The following NPNT variants were observed in gnomAD, a reference collection of about 807,000 sequenced individuals.
The protein encoded by NPNT is preosteoblast EGF-like repeat protein with MAM domain.
Under a neutral mutation model 68.6 loss-of-function variants are expected in NPNT, and 45 were observed. The ratio of observed to expected loss-of-function variants is 0.66; its 90% CI spans 0.52 to 0.84. The LOEUF is 0.84. Ranked by LOEUF, NPNT falls within the 40% of genes least tolerant of loss-of-function variation. The pLI is 0.00. For missense variants in NPNT, 672 were observed against 714.8 expected (o/e 0.94, Z 0.68); for synonymous variants, 233 against 253.3 (o/e 0.92, Z 0.76).
At chr4:105,962,426 A>C (rs1256604849) in intron 10 of NPNT, among the ~76,000 whole-genome samples, 1 of 152,152 alleles carries the variant, frequency 6.6e-6, no homozygotes, top group African/African-American at 2.4e-5. Flanking sequence ...TGATGGGTAA[A>C]AAATACAGGG....
At chr4:105,938,537 C>T (rs189726795) in intron 5 of NPNT, 117 bp downstream of exon 5, 12 of 1,003,754 alleles carry the variant, frequency 1.2e-5, no homozygotes, top group South Asian at 6.4e-5. Flanking sequence ...AATTAGCTAT[C>T]GTTCAGAAGA....
chr4:105,949,640 T>G (rs571672332), intron 8 of NPNT, among the ~76,000 whole-genome samples: 1 of 152,316 alleles, frequency 6.6e-6, no homozygotes, highest in South Asian at 2.1e-4. Flanking sequence ...AAAAACTTTC[T>G]GCAGAACCCA....
In NPNT at chr4:105,966,626, C is replaced by CT. The variant is rs530106622; in HGVS notation, c.1346-561dup. ...TAGATTTACACCAGTGTGAGAAGCT[C>CT]TGCCAACTCTGATTTTTTTTTTAAA... On this transcript the variant is annotated intron_variant, in intron 10 of 11. Coordinates refer to ENST00000379987, the MANE Select transcript of NPNT (RefSeq NM_001033047.3). Among the ~76,000 whole-genome samples, 517 of 151,948 alleles carry CT rather than the reference C, an allele frequency of 3.4e-3. 1 individual carries two copies. The highest frequency in any genetic ancestry group is 0.012 in the African/African-American group (488 of 41,436).
chr4:105,960,980 A>G (rs1285411236), intron 10 of NPNT, among the ~76,000 whole-genome samples: 5 of 152,194 alleles, frequency 3.3e-5, no homozygotes, highest in African/African-American at 2.4e-5. Context: ...CTTATAGGTG[A>G]AAAGGAATCT....
At chr4:105,949,588 G>T (rs1192588228) in intron 8 of NPNT, among the ~76,000 whole-genome samples, 1 of 152,134 alleles carries the variant, frequency 6.6e-6, no homozygotes, top group Non-Finnish European at 1.5e-5. Context: ...CAAAACTCTG[G>T]TGTCACAGGG....
At position 105,970,707 on chromosome 4, in the gene NPNT, T is replaced by C. The variant is rs1732504542; in HGVS notation, c.*1717T>C. 1.5e-5 allele frequency: 7 copies of C among 456,534 alleles called. No homozygotes were observed. Among genetic ancestry groups the C allele is most frequent in the South Asian group, 1.4e-4 (7 of 48,982 alleles). 28.3% of individuals were successfully genotyped at this position (456,534 alleles called of 1,614,324 possible). A position where few individuals can be genotyped will look rare whatever the true frequency, so the allele number is the denominator to read the frequency against. On this transcript the variant is annotated 3_prime_UTR_variant, in exon 12 of 12. Transcript: ENST00000379987. ...AAAAAATTAGATAAAAATTTGTCTATTTAAGATGGTTAAAGATGTTCTTAC... is the reference window on the plus strand; with the variant it reads ...AAAAAATTAGATAAAAATTTGTCTACTTAAGATGGTTAAAGATGTTCTTAC...
At chr4:105,957,463 T>C (rs952329365) in intron 8 of NPNT, among the ~76,000 whole-genome samples, 5 of 152,192 alleles carry the variant, frequency 3.3e-5, no homozygotes, top group African/African-American at 1.2e-4. Context: ...ATTCTTATGC[T>C]TTGTCCCACT....
At chr4:105,940,020 C>T in intron 5 of NPNT, 55 bp from the exon 6 acceptor site, 3 of 1,513,814 alleles carry the variant, frequency 2.0e-6, no homozygotes, top group Non-Finnish European at 2.7e-6. Flanking sequence ...TTGAAACCCA[C>T]TCTGTCTTAA....
intron 8 of NPNT, among the ~76,000 whole-genome samples, chr4:105,953,941 T>C (rs1038597273): frequency 6.6e-6 from 1 of 152,238 alleles, no homozygotes; most frequent in African/African-American, 2.4e-5. Context: ...TAGTTACTCT[T>C]GGCAAGAAGT....
intron 2 of NPNT, 54 bp from the exon 3 acceptor site, chr4:105,927,282 T>C: frequency 9.0e-7 from 1 of 1,113,672 alleles, no homozygotes; most frequent in Non-Finnish European, 1.4e-6. Context: ...ATCAATGCTA[T>C]ATGATTGGTG....
At chr4:105,960,761 C>CGTGT (rs35898642) in intron 10 of NPNT, among the ~76,000 whole-genome samples, 1,668 of 149,186 alleles carry the variant, frequency 0.011, 23 homozygotes, top group African/African-American at 0.037. Flanking sequence ...AACATATCTA[C>CGTGT]GTGTGTGTGT....
At position 105,911,984 on chromosome 4, in the gene NPNT, G is replaced by C. The variant is rs1033511937; in HGVS notation, c.172+13983G>C. The C allele has an allele frequency of 6.9e-5, 37 of 534,946 alleles. No homozygotes were observed. In the Admixed American group the frequency reaches 9.5e-4, roughly 14 times the overall value. The allele number at this position is 534,946 out of a possible 1,614,324, so 33.1% of individuals were successfully genotyped here. Reference sequence around the variant, plus strand: ...ACTTCAATTATTGGTTAATATTTTTGTTATGAAATGTTTTTTTATAACAAA... The same window carrying C: ...ACTTCAATTATTGGTTAATATTTTTCTTATGAAATGTTTTTTTATAACAAA... On this transcript the variant is annotated intron_variant, in intron 2 of 11. Transcript: ENST00000379987.
intron 3 of NPNT, 142 bp from the exon 4 acceptor site, chr4:105,936,867 G>T (rs58185526): frequency 1.3e-6 from 1 of 783,506 alleles, no homozygotes; most frequent in East Asian, 2.9e-5. Flanking sequence ...GCATGAACAG[G>T]ATCTATCTCT....
At chr4:105,947,915 C>G (rs560069180) in intron 8 of NPNT, among the ~76,000 whole-genome samples, 4 of 152,200 alleles carry the variant, frequency 2.6e-5, no homozygotes, top group Non-Finnish European at 5.9e-5. Flanking sequence ...TTATGGGCAG[C>G]TATTTAATCT....
At chr4:105,956,944 A>G (rs1731276199) in intron 8 of NPNT, among the ~76,000 whole-genome samples, 1 of 152,206 alleles carries the variant, frequency 6.6e-6, no homozygotes, top group Non-Finnish European at 1.5e-5. Flanking sequence ...AGTAAGCTAA[A>G]AACAACTTGT....
At chr4:105,910,584 C>T (rs1445162276) in intron 2 of NPNT, among the ~76,000 whole-genome samples, 2 of 152,080 alleles carry the variant, frequency 1.3e-5, no homozygotes, top group African/African-American at 4.8e-5. Flanking sequence ...TAAAAATTTC[C>T]TTATCCTTCA....
In NPNT at chr4:105,895,561, A is replaced by C; in HGVS notation, c.-92A>C. On this transcript the variant is annotated 5_prime_UTR_variant, in exon 1 of 12. Coordinates refer to ENST00000379987, the MANE Select transcript of NPNT (RefSeq NM_001033047.3). The stretch of plus-strand genomic sequence containing the variant: ...GGCGGCGAGGGCTGGGGGTTCCTCG[A>C]GACTCTCAGAGGGGCGCCTCCCATC... 1 of 1,050,740 alleles carries C rather than the reference A, an allele frequency of 9.5e-7. No individual in the cohort carries two copies. The highest frequency in any genetic ancestry group is 1.5e-5 in the South Asian group (1 of 67,582). 65.1% of individuals were successfully genotyped at this position (1,050,740 alleles called of 1,614,324 possible). A position where few individuals can be genotyped will look rare whatever the true frequency, so the allele number is the denominator to read the frequency against.
In NPNT at chr4:105,917,327, T is replaced by C. The variant is rs186573531; in HGVS notation, c.173-10009T>C. Among the ~76,000 whole-genome samples, 53 of 152,330 alleles carry C rather than the reference T, an allele frequency of 3.5e-4. No individual in the cohort carries two copies. In the East Asian group the frequency reaches 6.2e-3, roughly 18 times the overall value. On this transcript the variant is annotated intron_variant, in intron 2 of 11. Coordinates refer to ENST00000379987, the MANE Select transcript of NPNT (RefSeq NM_001033047.3). ...CATTCCCATGGTGAATTTCTACTTA[T>C]CCTTTAAAATTCAGCTCACATTTCC...
chr4:105,922,438 A>G (rs544162043), intron 2 of NPNT, among the ~76,000 whole-genome samples: 1 of 149,526 alleles, frequency 6.7e-6, no homozygotes, highest in Admixed American at 6.7e-5. Context: ...CCCAAGCTGG[A>G]GTGCAGTGGC....
Sources: allele counts gnomAD v4.1 joint callset (sites outside exome capture counted in the v4.1 genomes callset), GRCh38; gene constraint gnomAD v4.1.1; transcripts MANE v1.5; gene names NCBI Gene and HGNC (gene_info 2026-07-23, HGNC 2026-07-21).